The following ASAP1 variants were observed in gnomAD, a reference collection of about 807,000 sequenced individuals.
The protein encoded by ASAP1 is ArfGAP with SH3 domain, ankyrin repeat and PH domain 1, also known as arf-GAP with SH3 domain, ANK repeat and PH domain-containing protein 1.
Under a neutral mutation model 145.2 loss-of-function variants are expected in ASAP1, and 43 were observed. The ratio of observed to expected loss-of-function variants is 0.30; its 90% CI spans 0.23 to 0.38. The LOEUF (loss-of-function observed/expected upper bound fraction) is 0.38, where lower values mean the gene tolerates loss of function less well. Among genes scored for constraint, ASAP1 ranks in the 10% least tolerant of loss-of-function variants. The pLI is 1.00. For synonymous variants in ASAP1, 546 were observed against 515.5 expected (o/e 1.06, Z -0.80); for missense variants, 1,018 against 1,355.3 (o/e 0.75, Z 3.91).
At chr8:130,194,690 A>G in intron 5 of ASAP1, among the ~76,000 whole-genome samples, 1 of 152,192 alleles carries the variant, frequency 6.6e-6, no homozygotes. Flanking sequence ...TCTCATAAAG[A>G]GTGTTCAACC....
At chr8:130,416,786 G>T (rs1171750056) in intron 1 of ASAP1, among the ~76,000 whole-genome samples, 1 of 152,202 alleles carries the variant, frequency 6.6e-6, no homozygotes, top group Non-Finnish European at 1.5e-5. Flanking sequence ...ATGCCACAGT[G>T]GTAAAACAGA....
chr8:130,280,440 T>G (rs1586744484), intron 3 of ASAP1, among the ~76,000 whole-genome samples: 1 of 152,380 alleles, frequency 6.6e-6, no homozygotes, highest in Middle Eastern at 3.4e-3. Flanking sequence ...TCCTCACAAA[T>G]CAGCACAACT....
At chr8:130,230,378 C>T (rs1200710913) in intron 4 of ASAP1, among the ~76,000 whole-genome samples, 2 of 152,050 alleles carry the variant, frequency 1.3e-5, no homozygotes, top group Admixed American at 6.6e-5. Context: ...TCCTAAGAAG[C>T]CTCGGGTTTT....
intron 3 of ASAP1, among the ~76,000 whole-genome samples, chr8:130,301,169 A>G (rs770525819): frequency 6.6e-6 from 1 of 152,242 alleles, no homozygotes; most frequent in African/African-American, 2.4e-5. Flanking sequence ...TATCCTAAAG[A>G]TAAGTGGCTG....
At chr8:130,112,423 G>A (rs937457696) in intron 23 of ASAP1, 101 bp from the exon 24 acceptor site, 8 of 944,600 alleles carry the variant, frequency 8.5e-6, no homozygotes, top group Admixed American at 5.2e-5. Context: ...CTGGGTTCCT[G>A]TGGCTCTCTG....
At chr8:130,350,960 G>C (rs1468376699) in intron 3 of ASAP1, among the ~76,000 whole-genome samples, 1 of 152,248 alleles carries the variant, frequency 6.6e-6, no homozygotes, top group African/African-American at 2.4e-5. Context: ...GGAGCTGGAA[G>C]CAACAGGGTC....
intron 27 of ASAP1, among the ~76,000 whole-genome samples, chr8:130,065,143 C>T (rs1327251169): frequency 2.0e-5 from 3 of 151,994 alleles, no homozygotes; most frequent in Admixed American, 6.6e-5. Flanking sequence ...CCTCCCTAAG[C>T]GCTGGGATTA....
At chr8:130,226,204 A>G (rs1007631735) in intron 4 of ASAP1, among the ~76,000 whole-genome samples, 27 of 152,126 alleles carry the variant, frequency 1.8e-4, no homozygotes, top group African/African-American at 6.3e-4. Flanking sequence ...ATAGTGGCTC[A>G]GATCCTTTTT....
rs2097570987 is a variant in ASAP1 at position 130,124,055 on chromosome 8, T to C, written c.1565A>G (p.Asn522Ser). ...NNSFNDIMEA[N>S]LPSPSPKPTP... ...GGGTTTTGGTGAGGGGCTGGGTAAA[T>C]TTGCTTCCATAATATCATTAAAACT... The change falls in exon 18 of 30, where the codon AAT becomes AGT. Residue 522 changes from asparagine (N) to serine (S), a missense_variant. Transcript: ENST00000518721. 2.5e-6 allele frequency: 4 copies of C among 1,607,942 alleles called. No individual in the cohort carries two copies. The East Asian group carries it at 8.9e-5, about 36-fold the overall frequency.
chr8:130,272,576 A>C (rs897890442), intron 3 of ASAP1, among the ~76,000 whole-genome samples: 1 of 152,236 alleles, frequency 6.6e-6, no homozygotes, highest in African/African-American at 2.4e-5. Flanking sequence ...ACTATTCCCA[A>C]TAGCAAAGAT....
At chr8:130,402,227 A>G (rs557447208) in intron 1 of ASAP1, among the ~76,000 whole-genome samples, 36 of 152,300 alleles carry the variant, frequency 2.4e-4, no homozygotes, top group Admixed American at 2.3e-3. Context: ...TTCTAGCTCT[A>G]CGTTGGAGAG....
In ASAP1 at chr8:130,203,428, C is replaced by T. The variant is rs575346783; in HGVS notation, c.405+11128G>A. Among the ~76,000 whole-genome samples the T allele has an allele frequency of 1.1e-4, 17 of 152,294 alleles. No individual in the cohort carries two copies. The South Asian group carries it at 3.5e-3, about 32-fold the overall frequency. On this transcript the variant is annotated intron_variant, in intron 5 of 29. Transcript: ENST00000518721. The stretch of plus-strand genomic sequence containing the variant: ...CGTGTTTCCCGGTGCTGGCTAACAT[C>T]AGCCCTGAAAAAAGCACCAGGCTGG...
chr8:130,178,549 T>C (rs1814123848), intron 9 of ASAP1, among the ~76,000 whole-genome samples: 1 of 152,252 alleles, frequency 6.6e-6, no homozygotes, highest in Non-Finnish European at 1.5e-5. Context: ...CAAAGTATTC[T>C]TAATGCCCCA....
At position 130,116,572 on chromosome 8, in the gene ASAP1, TA is replaced by T. The variant is rs200921562; in HGVS notation, c.2064+105del. 1.9e-3 allele frequency: 1,796 copies of T among 962,856 alleles called. 4 individuals carry two copies. The highest frequency in any genetic ancestry group is 4.8e-3 in the South Asian group (323 of 67,916). 59.6% of individuals were successfully genotyped at this position (962,856 alleles called of 1,614,324 possible). A position where few individuals can be genotyped will look rare whatever the true frequency, so the allele number is the denominator to read the frequency against. On this transcript the variant is annotated intron_variant, in intron 22 of 29. Coordinates refer to ENST00000518721, the MANE Select transcript of ASAP1 (RefSeq NM_018482.4). ...TCATCTGATTTTCTTTAGCAAGTGT[TA>T]AAAAAAAATGAATCTGCATTTTTAA... is the stretch of plus-strand genomic sequence containing the variant.
Position 130,159,943 on chromosome 8 carries a change from C to T in ASAP1, c.931G>A (p.Gly311Arg), listed in dbSNP as rs2097665716. The change falls in exon 12 of 30, where the codon GGA becomes AGA. Residue 311 changes from glycine to arginine, a missense_variant. This residue lies in a region of ASAP1 where 62 missense variants were observed against 68.5 expected (regional missense o/e 0.90). Coordinates refer to ENST00000518721, the MANE Select transcript of ASAP1 (RefSeq NM_018482.4). ...QKEDSQSRQG[G>R]YSMHQLQGNK... Reference sequence around the variant, plus strand: ...CCCTGGAGCTGATGCATGCTGTATCCTCCTTGCCGGCTCTGAGAATCCTAG... The same window carrying T: ...CCCTGGAGCTGATGCATGCTGTATCTTCCTTGCCGGCTCTGAGAATCCTAG... The T allele has an allele frequency of 1.2e-6, 2 of 1,613,902 alleles. No homozygotes were observed. Among genetic ancestry groups the T allele is most frequent in the South Asian group, 1.1e-5 (1 of 91,092 alleles).
At chr8:130,078,560 A>C (rs925928325) in intron 26 of ASAP1, among the ~76,000 whole-genome samples, 1 of 152,144 alleles carries the variant, frequency 6.6e-6, no homozygotes, top group South Asian at 2.1e-4. Context: ...TGCTGGGATT[A>C]CAGGTGAGCC....
rs781218569 is a variant in ASAP1, at chr8:130,136,961, G to A, written c.1158C>T (p.Asp386=). ...AGAAAAAGGACTCACGTGATATCAG[G>A]TCAAAAGATTTTTTGTCTTCGGCAT... ...KPNAEDKKSF[D]LISHNRTYHF... The change falls in exon 14 of 30, where the codon GAC becomes GAT. Residue 386 remains aspartate, a synonymous_variant. Coordinates refer to ENST00000518721, the MANE Select transcript of ASAP1 (RefSeq NM_018482.4). The A allele has an allele frequency of 1.9e-6, 3 of 1,614,096 alleles. No homozygotes were observed. The highest frequency in any genetic ancestry group is 1.1e-5 in the South Asian group (1 of 91,076).
intron 11 of ASAP1, among the ~76,000 whole-genome samples, chr8:130,165,673 C>T (rs1330777359): frequency 6.6e-6 from 1 of 152,152 alleles, no homozygotes; most frequent in African/African-American, 2.4e-5. Context: ...ATGTTCCTGG[C>T]CACTCTGCCT....
chr8:130,214,146 C>T (rs1000814768), intron 5 of ASAP1, among the ~76,000 whole-genome samples: 1 of 152,156 alleles, frequency 6.6e-6, no homozygotes, highest in African/African-American at 2.4e-5. Flanking sequence ...ATAATACTTT[C>T]AATGTGTATT....
Sources: allele counts gnomAD v4.1 joint callset (sites outside exome capture counted in the v4.1 genomes callset), GRCh38; gene constraint gnomAD v4.1.1; regional missense constraint gnomAD v4.1.1; transcripts MANE v1.5; gene names NCBI Gene and HGNC (gene_info 2026-07-23, HGNC 2026-07-21).